TNPO1: variants seen among roughly 807,000 people sequenced by gnomAD.
TNPO1 encodes the protein transportin 1.
TNPO1 carries 8 observed loss-of-function variants against 119.5 expected under a neutral mutation model. The ratio of observed to expected loss-of-function variants is 0.07; its 90% confidence interval spans 0.04 to 0.12. The LOEUF (loss-of-function observed/expected upper bound fraction) is 0.12. Ranked by LOEUF, TNPO1 falls within the 10% of genes least tolerant of loss-of-function variation. The pLI, the probability that TNPO1 is intolerant of heterozygous loss-of-function variation, is 1.00. For synonymous variants in TNPO1, 362 were observed against 363.0 expected, an observed-to-expected ratio of 1.00 and a Z score of 0.03; for missense variants, 576 against 1,089.8, an observed-to-expected ratio of 0.53 and a Z score of 6.64.
At chr5:72,867,487 AG>A (rs1469515774) in intron 6 of TNPO1, among the ~76,000 whole-genome samples, 2 of 152,210 alleles carry the variant, frequency 1.3e-5, no homozygotes, top group African/African-American at 4.8e-5. Context: ...TTTAAAAATA[AG>A]AACCATTTTA....
chr5:72,899,928 A>AT, intron 20 of TNPO1, 78 bp from the exon 21 acceptor site: 1 of 1,138,440 alleles, frequency 8.8e-7, no homozygotes. Context: ...TTTTTTCTTT[A>AT]TTTTTTCTCC....
chr5:72,821,213 G>T (rs1159872917), intron 1 of TNPO1, among the ~76,000 whole-genome samples: 1 of 151,904 alleles, frequency 6.6e-6, no homozygotes. Flanking sequence ...TATTTGAGTT[G>T]CATTTTATAG....
intron 1 of TNPO1, among the ~76,000 whole-genome samples, chr5:72,831,508 A>G (rs1744465808): frequency 6.6e-6 from 1 of 151,964 alleles, no homozygotes; most frequent in Admixed American, 6.6e-5. Context: ...AGTATTTTGT[A>G]GCATTTAAAT....
intron 1 of TNPO1, among the ~76,000 whole-genome samples, chr5:72,842,410 T>A (rs904249599): frequency 2.6e-5 from 4 of 152,254 alleles, no homozygotes; most frequent in African/African-American, 9.6e-5. Flanking sequence ...TGCCTCAATG[T>A]ACTTATTTGT....
At chr5:72,873,189 CTT>C (rs1241538088) in intron 7 of TNPO1, among the ~76,000 whole-genome samples, 1 of 152,032 alleles carries the variant, frequency 6.6e-6, no homozygotes, top group Non-Finnish European at 1.5e-5. Context: ...AAAATAGACT[CTT>C]TAGGCATTTT....
rs561747823 is a variant in TNPO1 at position 72,894,220 on chromosome 5, G to A, written c.2143+517G>A. ...GCAGATCACTTGAGGTCAGGAGTGCGAGATTCGAGACTAGCATAGCATTTG... is the reference window on the plus strand; with the variant it reads ...GCAGATCACTTGAGGTCAGGAGTGCAAGATTCGAGACTAGCATAGCATTTG... On this transcript the variant is annotated intron_variant, in intron 18 of 24. Transcript: ENST00000337273. Among the ~76,000 whole-genome samples the A allele has an allele frequency of 2.6e-4, 39 of 152,242 alleles. 1 individual carries two copies. The South Asian group carries it at 6.8e-3, about 27-fold the overall frequency.
chr5:72,865,782 A>C, intron 6 of TNPO1, 53 bp downstream of exon 6: 10 of 1,532,352 alleles, frequency 6.5e-6, no homozygotes, highest in Non-Finnish European at 8.8e-6. Context: ...CCTGACCATT[A>C]TCTTAGTTTT....
chr5:72,834,063 T>C (rs1237013482), intron 1 of TNPO1, among the ~76,000 whole-genome samples: 3 of 152,246 alleles, frequency 2.0e-5, no homozygotes, highest in African/African-American at 7.2e-5. Context: ...CCCATAAGAT[T>C]ATGATAGAGA....
intron 2 of TNPO1, among the ~76,000 whole-genome samples, chr5:72,849,365 A>G (rs904355866): frequency 6.6e-6 from 1 of 152,182 alleles, no homozygotes; most frequent in South Asian, 2.1e-4. Context: ...ACTCTATATC[A>G]TGAATAACCT....
intron 1 of TNPO1, chr5:72,825,837 C>T (rs997996806): frequency 3.9e-5 from 6 of 152,270 alleles, no homozygotes; most frequent in African/African-American, 1.4e-4. Context: ...CAATCAATTT[C>T]TGTCATTTAT....
At chr5:72,889,463 C>A (rs1363200081) in intron 13 of TNPO1, among the ~76,000 whole-genome samples, 1 of 151,764 alleles carries the variant, frequency 6.6e-6, no homozygotes, top group Admixed American at 6.6e-5. Flanking sequence ...ATAATTTATT[C>A]ATTCAGTACC....
chr5:72,841,909 T>C (rs1042770004), intron 1 of TNPO1, among the ~76,000 whole-genome samples: 1 of 152,096 alleles, frequency 6.6e-6, no homozygotes, highest in Non-Finnish European at 1.5e-5. Flanking sequence ...AAGAGAGATT[T>C]TCTGTGGAAG....
In TNPO1 at chr5:72,887,014, T is replaced by C. The variant is rs115153597; in HGVS notation, c.1151-56T>C. ...AATAAAATGTTACATATACAATAAA[T>C]AATATATAAGTAATAAGAGGTTAAT... On this transcript the variant is annotated intron_variant, in intron 11 of 24. Transcript: ENST00000337273. The C allele has an allele frequency of 1.2e-3, 1,748 of 1,438,148 alleles. 18 individuals carry two copies. In the African/African-American group the frequency reaches 0.023, roughly 19 times the overall value. 89.1% of individuals were successfully genotyped at this position (1,438,148 alleles called of 1,614,324 possible). A position where few individuals can be genotyped will look rare whatever the true frequency, so the allele number is the denominator to read the frequency against.
chr5:72,902,543 G>A (rs1223072312), intron 22 of TNPO1, among the ~76,000 whole-genome samples: 3 of 151,374 alleles, frequency 2.0e-5, no homozygotes, highest in African/African-American at 4.9e-5. Context: ...AGAACTTTGT[G>A]TGATCTCAAA....
chr5:72,874,928 G>T (rs1237807243), intron 7 of TNPO1, among the ~76,000 whole-genome samples: 2 of 152,136 alleles, frequency 1.3e-5, no homozygotes, highest in East Asian at 3.8e-4. Flanking sequence ...TTTTCTTCTA[G>T]TGGAAGCTTG....
chr5:72,853,120 C>G (rs890209260), intron 3 of TNPO1, among the ~76,000 whole-genome samples: 1 of 152,134 alleles, frequency 6.6e-6, no homozygotes, highest in African/African-American at 2.4e-5. Flanking sequence ...AAGGATACTT[C>G]CTTCAGGCCA....
At chr5:72,845,137 T>C (rs1250975440) in intron 1 of TNPO1, among the ~76,000 whole-genome samples, 2 of 151,374 alleles carry the variant, frequency 1.3e-5, no homozygotes, top group Non-Finnish European at 2.9e-5. Context: ...GTAAAGTTAA[T>C]ATTAGTGTAG....
chr5:72,870,363 T>C (rs894735069), intron 6 of TNPO1, among the ~76,000 whole-genome samples: 3 of 152,166 alleles, frequency 2.0e-5, no homozygotes, highest in African/African-American at 7.2e-5. Flanking sequence ...GGTTTCACCA[T>C]GTTGGCCAGC....
At position 72,905,310 on chromosome 5, in the gene TNPO1, A is replaced by G; in HGVS notation, c.2597A>G (p.His866Arg). Residue 866 changes from histidine (H) to arginine (R), a missense_variant, in exon 24 of 25, where the codon CAT (histidine) becomes CGT (arginine). His to Arg is a conservative substitution (Grantham distance 29, BLOSUM62 0). Around this residue, in one of 6 missense-constraint regions of TNPO1, gnomAD observed 162 missense variants for 294.1 expected, o/e 0.55. Coordinates refer to ENST00000337273, the MANE Select transcript of TNPO1 (RefSeq NM_002270.4). ...DLRDMFCKIL[H>R]GFKNQVGDEN... ...GGTTTTTCACTCTTACAGATCCTTCATGGATTTAAAAATCAAGTTGGCGAT... is the reference window on the plus strand; with the variant it reads ...GGTTTTTCACTCTTACAGATCCTTCGTGGATTTAAAAATCAAGTTGGCGAT... 6.2e-7 allele frequency: 1 copy of G among 1,609,886 alleles called. No homozygotes were observed. The highest frequency in any genetic ancestry group is 8.5e-7 in the Non-Finnish European group (1 of 1,178,768).
Sources: allele counts gnomAD v4.1 joint callset (sites outside exome capture counted in the v4.1 genomes callset), GRCh38; gene constraint gnomAD v4.1.1; regional missense constraint gnomAD v4.1.1; transcripts MANE v1.5; gene names NCBI Gene and HGNC (gene_info 2026-07-23, HGNC 2026-07-21).